The following EVI5 variants were observed in gnomAD, a reference collection of about 807,000 sequenced individuals.
EVI5 encodes ecotropic viral integration site 5 protein homolog.
EVI5 carries 73 observed loss-of-function variants against 112.0 expected under a neutral mutation model. That is an observed-to-expected ratio of 0.65 (90% CI 0.54 to 0.79). The LOEUF is 0.79. Among genes scored for constraint, EVI5 ranks in the 30% least tolerant of loss-of-function variants. EVI5 has a pLI of 0.00. For synonymous variants in EVI5, 305 were observed against 319.9 expected, an observed-to-expected ratio of 0.95 and a Z score of 0.50; for missense variants, 900 against 968.8, an observed-to-expected ratio of 0.93 and a Z score of 0.94.
chr1:92,567,923 A>G (rs887459326), intron 18 of EVI5, among the ~76,000 whole-genome samples: 1 of 152,182 alleles, frequency 6.6e-6, no homozygotes, highest in Non-Finnish European at 1.5e-5. Flanking sequence ...TTGGTTAGAA[A>G]TATTAGTTTG....
At chr1:92,627,598 C>T (rs537172449) in intron 14 of EVI5, among the ~76,000 whole-genome samples, 6 of 152,146 alleles carry the variant, frequency 3.9e-5, no homozygotes, top group Non-Finnish European at 7.3e-5. Context: ...TAAGGAATCT[C>T]CACACTGTTT....
intron 18 of EVI5, among the ~76,000 whole-genome samples, chr1:92,564,080 C>T (rs182758044): frequency 6.6e-6 from 1 of 152,114 alleles, no homozygotes; most frequent in South Asian, 2.1e-4. Flanking sequence ...TGTGCCACCA[C>T]GCCTGGCTAA....
At chr1:92,640,964 C>T (rs1659847802) in intron 13 of EVI5, among the ~76,000 whole-genome samples, 1 of 152,136 alleles carries the variant, frequency 6.6e-6, no homozygotes, top group Non-Finnish European at 1.5e-5. Flanking sequence ...CAAACTGACA[C>T]AGGAACAGAA....
At chr1:92,602,985 C>T (rs1649513975) in intron 18 of EVI5, among the ~76,000 whole-genome samples, 1 of 152,096 alleles carries the variant, frequency 6.6e-6, no homozygotes. Context: ...ATAAATAACT[C>T]CTATAACTCA....
chr1:92,761,601 A>G (rs969483504), intron 1 of EVI5, among the ~76,000 whole-genome samples: 2 of 151,758 alleles, frequency 1.3e-5, no homozygotes, highest in African/African-American at 2.4e-5. Flanking sequence ...AACTGAATTA[A>G]TATGTGGAGA....
chr1:92,543,322 C>T (rs535362563), intron 19 of EVI5, among the ~76,000 whole-genome samples: 324 of 152,300 alleles, frequency 2.1e-3, no homozygotes, highest in African/African-American at 7.4e-3. Flanking sequence ...CCTCATGAAC[C>T]AACCTCTGTT....
At chr1:92,593,677 T>A (rs1674405714) in intron 18 of EVI5, among the ~76,000 whole-genome samples, 2 of 152,198 alleles carry the variant, frequency 1.3e-5, no homozygotes. Context: ...AACCCCATCG[T>A]CTCAGCCCAA....
chr1:92,715,886 G>A (rs527776758), intron 2 of EVI5, among the ~76,000 whole-genome samples: 44 of 152,196 alleles, frequency 2.9e-4, no homozygotes, highest in African/African-American at 9.1e-4. Context: ...ATCGACCTGC[G>A]AGGCAGCAGC....
In EVI5 at chr1:92,624,259, G is replaced by T; in HGVS notation, c.1744C>A (p.Leu582Met). Residue 582 changes from leucine (L) to methionine (M), a missense_variant, in exon 16 of 20, where the codon CTG becomes ATG. By Grantham distance (15) the Leu-to-Met change is conservative (BLOSUM62 2). Transcript: ENST00000684568. ...KNAMNELQDE[L>M]MTIRLREAET... ...GCTTCTCTAAGTCGAATGGTCATCA[G>T]TTCATCTTGTAACTCATTCATAGCA... is the stretch of plus-strand genomic sequence containing the variant. The T allele has an allele frequency of 6.2e-7, 1 of 1,612,280 alleles. No homozygotes were observed. Among genetic ancestry groups the T allele is most frequent in the Non-Finnish European group, 8.5e-7 (1 of 1,178,472 alleles).
chr1:92,750,893 G>A (rs1680076804), intron 1 of EVI5, among the ~76,000 whole-genome samples: 1 of 152,194 alleles, frequency 6.6e-6, no homozygotes, highest in South Asian at 2.1e-4. Context: ...GCTCACGCCT[G>A]TAATCCCAGC....
rs528902181 is a variant in EVI5, at chr1:92,697,549, G to C, written c.765+311C>G. The stretch of plus-strand genomic sequence containing the variant: ...GTAATATCATAAAGCTCCTGTAAGA[G>C]AGCTTAGACTACGTAACAATAATAG... On this transcript the variant is annotated intron_variant, in intron 6 of 19. Transcript: ENST00000684568. Among the ~76,000 whole-genome samples, 10 of 152,286 alleles carry C rather than the reference G, an allele frequency of 6.6e-5. No homozygotes were observed. In the East Asian group the frequency reaches 1.7e-3, roughly 26 times the overall value.
At chr1:92,547,756 A>C (rs530220637) in intron 19 of EVI5, among the ~76,000 whole-genome samples, 1 of 152,244 alleles carries the variant, frequency 6.6e-6, no homozygotes, top group Non-Finnish European at 1.5e-5. Flanking sequence ...GAAGAAATGG[A>C]TAAGTTCCTG....
At chr1:92,613,231 A>G (rs1652285842) in intron 16 of EVI5, among the ~76,000 whole-genome samples, 2 of 152,304 alleles carry the variant, frequency 1.3e-5, no homozygotes, top group East Asian at 3.9e-4. Context: ...CAGGAGCACT[A>G]AAGACCAAAC....
rs1167832506 is a variant in EVI5 at position 92,783,501 on chromosome 1, AAAAAAAG to A, written c.-82+1328_-82+1334del. Among the ~76,000 whole-genome samples the A allele has an allele frequency of 1.2e-4, 15 of 129,050 alleles. 1 individual carries two copies. The highest frequency in any genetic ancestry group is 4.5e-4 in the African/African-American group (14 of 31,162). 84.7% of individuals were successfully genotyped at this position (129,050 alleles called of 152,430 possible). On this transcript the variant is annotated intron_variant, in intron 1 of 19. Coordinates refer to ENST00000684568, the MANE Select transcript of EVI5 (RefSeq NM_001350197.2). The stretch of plus-strand genomic sequence containing the variant: ...TCAGCCTTAAAAAAAAAAAAAAAAA[AAAAAAAG>A]AAAAGAAAAGAAAAGAAAAAGAAGG...
chr1:92,781,118 G>C (rs986579884), intron 1 of EVI5, among the ~76,000 whole-genome samples: 4 of 151,204 alleles, frequency 2.6e-5, no homozygotes, highest in Non-Finnish European at 5.9e-5. Flanking sequence ...CCAAAGTGCT[G>C]GGATTTCAGG....
At chr1:92,629,940 G>C (rs1166731141) in intron 14 of EVI5, among the ~76,000 whole-genome samples, 1 of 151,862 alleles carries the variant, frequency 6.6e-6, no homozygotes, top group Non-Finnish European at 1.5e-5. Flanking sequence ...CCTTGTGATA[G>C]TTTGCTGAGA....
At chr1:92,534,007 A>T (rs1313137873) in intron 19 of EVI5, among the ~76,000 whole-genome samples, 1 of 152,248 alleles carries the variant, frequency 6.6e-6, no homozygotes, top group Non-Finnish European at 1.5e-5. Context: ...TTTGCAGATG[A>T]CATGATTGTA....
chr1:92,687,979 T>C (rs978431573), intron 9 of EVI5, among the ~76,000 whole-genome samples: 4 of 152,216 alleles, frequency 2.6e-5, no homozygotes, highest in African/African-American at 9.6e-5. Context: ...GTGTGGCAAT[T>C]CCTCAAGGAT....
At chr1:92,735,790 GTATAT>G (rs1425304097) in intron 2 of EVI5, among the ~76,000 whole-genome samples, 3 of 138,932 alleles carry the variant, frequency 2.2e-5, no homozygotes, top group African/African-American at 7.9e-5. Context: ...ATATTATAAA[GTATAT>G]TATATATTTT....
Sources: gnomAD v4.1 joint callset for allele counts (sites outside exome capture counted in the v4.1 genomes callset) on GRCh38, gnomAD v4.1.1 for gene constraint, MANE v1.5 for transcripts, NCBI Gene and HGNC (gene_info 2026-07-23, HGNC 2026-07-21) for gene names.